The following ARL15 variants were observed in gnomAD, a reference collection of about 807,000 sequenced individuals.
The protein encoded by ARL15 is ARF like GTPase 15.
A neutral mutation model predicts 25.2 loss-of-function variants in ARL15; 19 were observed. That is an observed-to-expected ratio of 0.75 (90% confidence interval 0.53 to 1.10). The LOEUF is 1.10. Ranked by LOEUF, ARL15 falls within the 50% of genes least tolerant of loss-of-function variation. The probability of loss-of-function intolerance (pLI) is 0.00; values close to 1 mark genes in which losing one functional copy is unlikely to be tolerated. For synonymous variants in ARL15, 94 were observed against 86.8 expected, an observed-to-expected ratio of 1.08 and a Z score of -0.46; for missense variants, 220 against 246.0, an observed-to-expected ratio of 0.89 and a Z score of 0.71.
At chr5:54,190,283 C>T (rs1282705010) in intron 1 of ARL15, among the ~76,000 whole-genome samples, 1 of 151,952 alleles carries the variant, frequency 6.6e-6, no homozygotes, top group African/African-American at 2.4e-5. Flanking sequence ...ATCTCAGCTA[C>T]TCAGGAGGCT....
intron 4 of ARL15, among the ~76,000 whole-genome samples, chr5:53,956,283 A>G (rs2112133644): frequency 6.6e-6 from 1 of 152,116 alleles, no homozygotes; most frequent in African/African-American, 2.4e-5. Context: ...TCACTAAACT[A>G]ACAGCTGCAG....
At chr5:53,892,817 G>A (rs1420755916) in intron 4 of ARL15, among the ~76,000 whole-genome samples, 3 of 151,746 alleles carry the variant, frequency 2.0e-5, no homozygotes, top group Non-Finnish European at 2.9e-5. Flanking sequence ...TTTTGTTCAG[G>A]CTGGTCTTGA....
At chr5:54,220,299 T>G (rs1245068209) in intron 1 of ARL15, among the ~76,000 whole-genome samples, 3 of 152,182 alleles carry the variant, frequency 2.0e-5, no homozygotes, top group South Asian at 4.1e-4. Flanking sequence ...GATTTATTTA[T>G]CTCCACTCCC....
At chr5:54,103,813 T>C (rs1413721742) in intron 4 of ARL15, among the ~76,000 whole-genome samples, 2 of 152,220 alleles carry the variant, frequency 1.3e-5, no homozygotes, top group Non-Finnish European at 2.9e-5. Flanking sequence ...TCTTATTACA[T>C]GTTTTTGTTC....
At chr5:54,132,351 C>G (rs1753464205) in intron 3 of ARL15, among the ~76,000 whole-genome samples, 1 of 151,900 alleles carries the variant, frequency 6.6e-6, no homozygotes, top group South Asian at 2.1e-4. Context: ...TCCAAATTTA[C>G]TATTGAGTTT....
At chr5:54,011,733 G>A (rs1053662455) in intron 4 of ARL15, among the ~76,000 whole-genome samples, 12 of 152,202 alleles carry the variant, frequency 7.9e-5, no homozygotes, top group South Asian at 2.1e-4. Context: ...CATAAGGGCC[G>A]GGTGTTGTGG....
intron 1 of ARL15, among the ~76,000 whole-genome samples, chr5:54,205,464 G>A (rs1755842014): frequency 6.6e-6 from 1 of 152,136 alleles, no homozygotes; most frequent in African/African-American, 2.4e-5. Flanking sequence ...CAAAAGTTTA[G>A]GGACCACCCT....
intron 4 of ARL15, among the ~76,000 whole-genome samples, chr5:54,025,009 T>C (rs974950013): frequency 6.6e-6 from 1 of 152,196 alleles, no homozygotes; most frequent in African/African-American, 2.4e-5. Context: ...TGTGTGTTTA[T>C]GTTATATACA....
chr5:54,151,757 TAACTC>T (rs1425385052), intron 3 of ARL15, among the ~76,000 whole-genome samples: 1 of 152,158 alleles, frequency 6.6e-6, no homozygotes, highest in East Asian at 1.9e-4. Flanking sequence ...TCACTGAGTG[TAACTC>T]CATTATTCAT....
chr5:53,946,209 T>G (rs953416419), intron 4 of ARL15, among the ~76,000 whole-genome samples: 4 of 152,174 alleles, frequency 2.6e-5, no homozygotes, highest in African/African-American at 9.7e-5. Context: ...ATTCTAGCAC[T>G]TTGGGAGGCC....
At position 53,884,794 on chromosome 5, in the gene ARL15, C is replaced by G. The variant is rs1163919731; in HGVS notation, c.*1767G>C. 6.6e-6 allele frequency: 1 copy of G among 152,426 alleles called. No homozygotes were observed. The highest frequency in any genetic ancestry group is 1.9e-4 in the East Asian group (1 of 5,166). The allele number at this position is 152,426 out of a possible 1,614,324, so 9.4% of individuals were successfully genotyped here. ...TGCAGGGAAAGCAAGGCCTAATAAT[C>G]ATTTATTTTTCATAGAAGATGAGCA... is the stretch of plus-strand genomic sequence containing the variant. On this transcript the variant is annotated 3_prime_UTR_variant, in exon 5 of 5. Coordinates refer to ENST00000504924, the MANE Select transcript of ARL15 (RefSeq NM_019087.3).
Position 54,171,927 on chromosome 5 carries a change from C to T in ARL15, c.50G>A (p.Cys17Tyr). Residue 17 changes from cysteine (C) to tyrosine (Y), a missense_variant and splice_region_variant, in exon 2 of 5, where the codon TGT becomes TAT. Physicochemically the swap from Cys to Tyr is radical, Grantham distance 194 (BLOSUM62 -2). Transcript: ENST00000504924. ...TEAFLYMDYL[C>Y]FRALCCKGPP... Reference sequence around the variant, plus strand: ...TCCCTTGCAGCAAAGTGCTCTAAAACACTGCCAAAAGAAGGGGAAAAAAAT... The same window carrying T: ...TCCCTTGCAGCAAAGTGCTCTAAAATACTGCCAAAAGAAGGGGAAAAAAAT... 4.4e-6 allele frequency: 7 copies of T among 1,608,790 alleles called. No homozygotes were observed. Among genetic ancestry groups the T allele is most frequent in the Non-Finnish European group, 5.1e-6 (6 of 1,176,352 alleles).
intron 4 of ARL15, among the ~76,000 whole-genome samples, chr5:54,082,639 C>T (rs867342531): frequency 6.6e-6 from 1 of 152,138 alleles, no homozygotes; most frequent in South Asian, 2.1e-4. Flanking sequence ...GCCCTCACAC[C>T]AGCCCCTTGG....
rs181989674 is a variant in ARL15 at position 53,960,783 on chromosome 5, C to T, written c.463-74070G>A. Among the ~76,000 whole-genome samples the T allele has an allele frequency of 2.1e-4, 32 of 152,260 alleles. 1 individual carries two copies. The highest frequency in any genetic ancestry group is 2.0e-3 in the Admixed American group (30 of 15,294). ...GAGATGGGGCTTGACCTCAGGTCTC[C>T]GAACTCCCAGCTCAGAGTATTCCAC... On this transcript the variant is annotated intron_variant, in intron 4 of 4. Transcript: ENST00000504924.
chr5:54,306,236 A>G (rs1758750944), intron 1 of ARL15, among the ~76,000 whole-genome samples: 1 of 152,186 alleles, frequency 6.6e-6, no homozygotes. Flanking sequence ...AAAGATTCTT[A>G]AAAGAGTCTT....
At chr5:54,014,009 T>C (rs952610735) in intron 4 of ARL15, among the ~76,000 whole-genome samples, 12 of 152,176 alleles carry the variant, frequency 7.9e-5, no homozygotes, top group Non-Finnish European at 1.3e-4. Context: ...GCACAGTGGG[T>C]AAGAAGAACC....
rs542656190 is a variant in ARL15, at chr5:54,096,303, T to G, written c.462+16899A>C. On this transcript the variant is annotated intron_variant, in intron 4 of 4. Transcript: ENST00000504924. ...TTTGTACCTGTCATTCTGTTATTCA[T>G]TTTTGTACCTCCTTACACAATGGTG... 6.0e-4 allele frequency among the ~76,000 whole-genome samples: 92 copies of G among 152,356 alleles called. 1 individual carries two copies. The highest frequency in any genetic ancestry group is 3.3e-3 in the Admixed American group (50 of 15,306).
chr5:54,054,714 C>CTGAGGCAGG (rs1750806238), intron 4 of ARL15, among the ~76,000 whole-genome samples: 1 of 152,100 alleles, frequency 6.6e-6, no homozygotes, highest in Non-Finnish European at 1.5e-5. Context: ...GGCGTGAACC[C>CTGAGGCAGG]AGAAGGCGGA....
chr5:54,239,016 C>G (rs1756884026), intron 1 of ARL15, among the ~76,000 whole-genome samples: 1 of 152,162 alleles, frequency 6.6e-6, no homozygotes, highest in South Asian at 2.1e-4. Context: ...AGTAATACAG[C>G]AGTTAGTGAG....
Sources: gnomAD v4.1 joint callset for allele counts (sites outside exome capture counted in the v4.1 genomes callset) on GRCh38, gnomAD v4.1.1 for gene constraint, MANE v1.5 for transcripts, NCBI Gene and HGNC (gene_info 2026-07-23, HGNC 2026-07-21) for gene names.